The following PPP1R1B variants were observed in gnomAD, a reference collection of about 807,000 sequenced individuals.
PPP1R1B encodes the protein protein phosphatase 1 regulatory subunit 1B.
Under a neutral mutation model 28.2 loss-of-function variants are expected in PPP1R1B, and 13 were observed. The ratio of observed to expected loss-of-function variants is 0.46; its 90% confidence interval spans 0.30 to 0.73. PPP1R1B has a LOEUF of 0.73. PPP1R1B is among the 30% of genes least tolerant of loss of function. The probability of loss-of-function intolerance (pLI) is 0.07; values close to 1 mark genes in which losing one functional copy is unlikely to be tolerated. For synonymous variants in PPP1R1B, 102 were observed against 97.5 expected (o/e 1.05, Z -0.27); for missense variants, 236 against 256.7 (o/e 0.92, Z 0.55).
At chr17:39,629,718 G>C (rs1432897364) in intron 3 of PPP1R1B, among the ~76,000 whole-genome samples, 156 bp downstream of exon 3, 1 of 152,204 alleles carries the variant, frequency 6.6e-6, no homozygotes, top group African/African-American at 2.4e-5. Context: ...TCATGCCAGG[G>C]TGCCACCAGC....
intron 3 of PPP1R1B, 169 bp from the exon 4 acceptor site, chr17:39,629,803 T>TG: frequency 2.4e-6 from 2 of 834,878 alleles, no homozygotes; most frequent in Non-Finnish European, 1.9e-6. Context: ...CCATGGCTTA[T>TG]GGGGGGCCCC....
intron 1 of PPP1R1B, 85 bp downstream of exon 1, chr17:39,627,558 G>A (rs569813281): frequency 3.0e-5 from 27 of 891,744 alleles, no homozygotes; most frequent in South Asian, 2.3e-4. Context: ...GCCCCGGCCG[G>A]ACTGGCCTGG....
At chr17:39,630,133 G>A in intron 4 of PPP1R1B, 86 bp downstream of exon 4, 1 of 1,282,874 alleles carries the variant, frequency 7.8e-7, no homozygotes, top group Non-Finnish European at 1.1e-6. Flanking sequence ...CAGTGGGGAG[G>A]GATTGTTTCG....
intron 1 of PPP1R1B, chr17:39,628,582 G>A: frequency 1.0e-6 from 1 of 986,036 alleles, no homozygotes; most frequent in South Asian, 4.7e-5. Context: ...CCCCCAGAGA[G>A]GTCCCCCAGG....
At chr17:39,628,643 G>GA (rs2056853778) in intron 1 of PPP1R1B, 1 of 985,988 alleles carries the variant, frequency 1.0e-6, no homozygotes, top group African/African-American at 1.7e-5. Context: ...CCTGCAGTGC[G>GA]CTGGCTCAGT....
chr17:39,631,883 G>T (rs937891445), intron 4 of PPP1R1B, among the ~76,000 whole-genome samples: 1 of 152,026 alleles, frequency 6.6e-6, no homozygotes, highest in Non-Finnish European at 1.5e-5. Context: ...TCTCAGGAGA[G>T]AATTTAAGAA....
rs752016644 is a variant in PPP1R1B, at chr17:39,635,595, T to C, written c.446-12T>C. On this transcript the variant is annotated splice_polypyrimidine_tract_variant and intron_variant, in intron 5 of 6. Coordinates refer to ENST00000254079, the MANE Select transcript of PPP1R1B (RefSeq NM_032192.4). ...AGAGCCTGTGTTCTTATCTCTTCTT[T>C]CCCATCCCCAGCTGGGCAAAAGACA... is the stretch of plus-strand genomic sequence containing the variant. 6.2e-7 allele frequency: 1 copy of C among 1,612,368 alleles called. No individual in the cohort carries two copies. The highest frequency in any genetic ancestry group is 1.7e-5 in the Admixed American group (1 of 59,928).
At chr17:39,628,413 C>A in intron 1 of PPP1R1B, 1 of 611,534 alleles carries the variant, frequency 1.6e-6, no homozygotes, top group Non-Finnish European at 2.0e-6. Flanking sequence ...AATTAACTGA[C>A]AGTTGGTCTG....
chr17:39,630,323 G>T (rs769823035), intron 4 of PPP1R1B: 3 of 447,338 alleles, frequency 6.7e-6, no homozygotes, highest in Admixed American at 6.9e-5. Flanking sequence ...GCAGGCATCC[G>T]CGTGGAAGGG....
Position 39,635,965 on chromosome 17 carries a change from G to A in PPP1R1B, c.*100G>A. On this transcript the variant is annotated 3_prime_UTR_variant, in exon 7 of 7. Coordinates refer to ENST00000254079, the MANE Select transcript of PPP1R1B (RefSeq NM_032192.4). ...CTGTTTTGTGCTCTTCCCCTCGCCT[G>A]CTAGGGCTGCGGCTTCTGACTTCTA... is the stretch of plus-strand genomic sequence containing the variant. The A allele has an allele frequency of 7.5e-7, 1 of 1,334,320 alleles. No individual in the cohort carries two copies. Among genetic ancestry groups the A allele is most frequent in the South Asian group, 1.3e-5 (1 of 79,282 alleles). The allele number at this position is 1,334,320 out of a possible 1,614,324, so 82.7% of individuals were successfully genotyped here.
In PPP1R1B at chr17:39,627,481, G is replaced by T; in HGVS notation, c.81+8G>T. The T allele has an allele frequency of 6.5e-7, 1 of 1,527,826 alleles. No homozygotes were observed. 94.6% of individuals were successfully genotyped at this position (1,527,826 alleles called of 1,614,324 possible). A position where few individuals can be genotyped will look rare whatever the true frequency, so the allele number is the denominator to read the frequency against. ...CCCCGCCAGGTGGAGATGGTAAGGG[G>T]CCCGTGCCCCACCCCGGCAGCGTAC... On this transcript the variant is annotated splice_region_variant and intron_variant, in intron 1 of 6. Transcript: ENST00000254079.
At chr17:39,634,277 T>C (rs2056900934) in intron 5 of PPP1R1B, among the ~76,000 whole-genome samples, 191 bp downstream of exon 5, 2 of 152,216 alleles carry the variant, frequency 1.3e-5, no homozygotes, top group African/African-American at 4.8e-5. Context: ...CATCCTTGGC[T>C]CAGTCCCTCT....
intron 2 of PPP1R1B, 78 bp from the exon 3 acceptor site, chr17:39,629,456 TAACTCG>T: frequency 6.4e-7 from 1 of 1,569,964 alleles, no homozygotes; most frequent in Non-Finnish European, 8.8e-7. Flanking sequence ...CTGGGGAAAA[TAACTCG>T]GATTCTTTCT....
chr17:39,634,493 G>A (rs529929625), intron 5 of PPP1R1B, among the ~76,000 whole-genome samples: 28 of 152,320 alleles, frequency 1.8e-4, no homozygotes, highest in African/African-American at 6.5e-4. Flanking sequence ...TGTGGTCTCT[G>A]CTGGGGTGCA....
chr17:39,629,772 A>G (rs1337396950), intron 3 of PPP1R1B, among the ~76,000 whole-genome samples, 200 bp from the exon 4 acceptor site: 1 of 152,216 alleles, frequency 6.6e-6, no homozygotes, highest in African/African-American at 2.4e-5. Flanking sequence ...TCCTGGACCT[A>G]GAGTCCTGCC....
intron 1 of PPP1R1B, among the ~76,000 whole-genome samples, chr17:39,628,332 G>A (rs1464065046): frequency 6.6e-6 from 1 of 151,936 alleles, no homozygotes; most frequent in Non-Finnish European, 1.5e-5. Context: ...GAGCTTGGCT[G>A]GGGAGGTGGC....
rs1415111106 is a variant in PPP1R1B, at chr17:39,627,424, T to C, written c.32T>C (p.Phe11Ser). ...CCCAAGGACCGCAAGAAGATCCAGT[T>C]CTCGGTGCCCGCGCCCCCTAGCCAG... MDPKDRKKIQFSVPAPPSQLD... is the reference protein window; with the variant it reads MDPKDRKKIQSSVPAPPSQLD... Residue 11 changes from phenylalanine (F) to serine (S), a missense_variant, in exon 1 of 7, where the codon TTC becomes TCC. Phe to Ser is a radical substitution (Grantham distance 155). Coordinates refer to ENST00000254079, the MANE Select transcript of PPP1R1B (RefSeq NM_032192.4). The C allele has an allele frequency of 6.2e-7, 1 of 1,603,546 alleles. No individual in the cohort carries two copies. The highest frequency in any genetic ancestry group is 8.5e-7 in the Non-Finnish European group (1 of 1,176,520).
In PPP1R1B at chr17:39,627,012, G is replaced by A. The variant is rs79160742; in HGVS notation, c.-381G>A. The A allele has an allele frequency of 4.4e-3, 928 of 211,878 alleles. 28 individuals are homozygous for A. Among genetic ancestry groups the A allele is most frequent in the East Asian group, 0.011 (97 of 9,014 alleles). The allele number at this position is 211,878 out of a possible 1,614,324, so 13.1% of individuals were successfully genotyped here. On this transcript the variant is annotated 5_prime_UTR_variant, in exon 1 of 7. Transcript: ENST00000254079. ...GAGGGAGGGAGGTGGAGAAGGACGG[G>A]AGAGGCAGAGAGAGGAGACACGCAG...
chr17:39,635,486 C>G, intron 5 of PPP1R1B, 121 bp from the exon 6 acceptor site: 1 of 1,361,238 alleles, frequency 7.3e-7, no homozygotes. Context: ...AGTTCTCTCT[C>G]CATGCTTCCA....
Sources: allele counts gnomAD v4.1 joint callset (sites outside exome capture counted in the v4.1 genomes callset), GRCh38; gene constraint gnomAD v4.1.1; transcripts MANE v1.5; gene names NCBI Gene and HGNC (gene_info 2026-07-23, HGNC 2026-07-21).